The following DCLK2 variants were observed in gnomAD, a reference collection of about 807,000 sequenced individuals.
DCLK2 encodes the protein doublecortin like kinase 2.
In DCLK2, 31 loss-of-function variants were observed where a neutral mutation model predicts 78.4. The observed-to-expected ratio is 0.40, with a 90% CI of 0.30 to 0.53. DCLK2 has a LOEUF of 0.53. Ranked by LOEUF, DCLK2 falls within the 20% of genes least tolerant of loss-of-function variation. The pLI is 0.61. For missense variants in DCLK2, 872 were observed against 973.7 expected (o/e 0.90, Z 1.39); for synonymous variants, 407 against 374.9 (o/e 1.09, Z -0.99).
chr4:150,125,697 C>G (rs1025851152), intron 2 of DCLK2, among the ~76,000 whole-genome samples: 1 of 152,078 alleles, frequency 6.6e-6, no homozygotes, highest in Non-Finnish European at 1.5e-5. Flanking sequence ...CAAGACCAGC[C>G]TGGCCAACGT....
chr4:150,225,507 G>A (rs1741535108), intron 8 of DCLK2, among the ~76,000 whole-genome samples: 1 of 152,188 alleles, frequency 6.6e-6, no homozygotes, highest in African/African-American at 2.4e-5. Context: ...AGAACAAGCT[G>A]TAGAGCTACA....
At position 150,223,373 on chromosome 4, in the gene DCLK2, G is replaced by A. The variant is rs139271112; in HGVS notation, c.1242-1128G>A. Among the ~76,000 whole-genome samples the A allele has an allele frequency of 2.1e-3, 320 of 152,294 alleles. 1 individual carries two copies. The highest frequency in any genetic ancestry group is 7.3e-3 in the African/African-American group (305 of 41,554). On this transcript the variant is annotated intron_variant, in intron 7 of 15. Coordinates refer to ENST00000296550, the MANE Select transcript of DCLK2 (RefSeq NM_001040260.4). Reference sequence around the variant, plus strand: ...AAGTGTATTCTATGAGTACTGTGGTGTTCTTTATTGAATGCTTTTTCTATA... The same window carrying A: ...AAGTGTATTCTATGAGTACTGTGGTATTCTTTATTGAATGCTTTTTCTATA...
intron 3 of DCLK2, among the ~76,000 whole-genome samples, chr4:150,194,897 T>C (rs1298977060): frequency 2.0e-5 from 3 of 151,742 alleles, no homozygotes; most frequent in African/African-American, 7.3e-5. Flanking sequence ...CATTACTTCT[T>C]GTTGCACTGT....
At chr4:150,140,545 A>G (rs1297694322) in intron 2 of DCLK2, among the ~76,000 whole-genome samples, 1 of 152,210 alleles carries the variant, frequency 6.6e-6, no homozygotes, top group African/African-American at 2.4e-5. Flanking sequence ...GGACTTTTTC[A>G]CAAAAGCCTT....
intron 2 of DCLK2, among the ~76,000 whole-genome samples, chr4:150,106,997 C>T (rs773895940): frequency 3.9e-5 from 6 of 151,970 alleles, no homozygotes; most frequent in Admixed American, 2.6e-4. Context: ...CAGTTTTGTC[C>T]CTAGGGCATG....
intron 7 of DCLK2, among the ~76,000 whole-genome samples, chr4:150,223,515 G>A (rs997958442): frequency 1.8e-4 from 28 of 152,072 alleles, no homozygotes; most frequent in Admixed American, 5.2e-4. Flanking sequence ...AGGCCGAGGC[G>A]GGAGAATCAC....
At chr4:150,134,076 CTT>C (rs768954755) in intron 2 of DCLK2, among the ~76,000 whole-genome samples, 89 of 94,830 alleles carry the variant, frequency 9.4e-4, no homozygotes, top group Middle Eastern at 0.015. Context: ...CGTATAAACT[CTT>C]TTTTTTTTTT....
At chr4:150,153,082 G>T (rs1004057249) in intron 2 of DCLK2, among the ~76,000 whole-genome samples, 2 of 152,204 alleles carry the variant, frequency 1.3e-5, no homozygotes, top group Non-Finnish European at 2.9e-5. Flanking sequence ...GAGTAAATGA[G>T]AATTTTATTG....
rs143302662 is a variant in DCLK2 at position 150,170,156 on chromosome 4, C to T, written c.757-22982C>T. 8.5e-3 allele frequency among the ~76,000 whole-genome samples: 1,290 copies of T among 152,254 alleles called. 13 individuals carry two copies. The highest frequency in any genetic ancestry group is 0.017 in the Middle Eastern group (5 of 294). ...GCAACTTCTACCACCTGGGTTCAAG[C>T]GAGTCTCCTGCCTCAGCCTCCCGAG... On this transcript the variant is annotated intron_variant, in intron 2 of 15. Transcript: ENST00000296550.
chr4:150,190,553 A>T (rs569088021), intron 2 of DCLK2, among the ~76,000 whole-genome samples: 1 of 152,186 alleles, frequency 6.6e-6, no homozygotes, highest in South Asian at 2.1e-4. Context: ...ATCAAATGCC[A>T]CATATCTTAT....
chr4:150,168,771 G>A (rs913611289), intron 2 of DCLK2, among the ~76,000 whole-genome samples: 3 of 152,098 alleles, frequency 2.0e-5, no homozygotes, highest in Admixed American at 6.5e-5. Flanking sequence ...ATTTTCCTTC[G>A]TATAGTGAGT....
At chr4:150,239,286 A>G (rs1213265191) in intron 10 of DCLK2, among the ~76,000 whole-genome samples, 1 of 152,208 alleles carries the variant, frequency 6.6e-6, no homozygotes, top group Non-Finnish European at 1.5e-5. Context: ...AGCAACAAAG[A>G]TGAATCATGG....
Position 150,232,780 on chromosome 4 carries a change from C to G in DCLK2, c.1518C>G (p.Leu506=). 1 of 1,614,146 alleles carries G rather than the reference C, an allele frequency of 6.2e-7. No individual in the cohort carries two copies. Among genetic ancestry groups the G allele is most frequent in the Non-Finnish European group, 8.5e-7 (1 of 1,180,012 alleles). Residue 506 remains leucine (L), a synonymous_variant, in exon 10 of 16, where the codon CTC becomes CTG. Transcript: ENST00000296550. ...ACTTAGCCAATGCCCTCAGGTATCT[C>G]CATGGCCTCAGCATCGTGCACAGAG... ...VYNLANALRY[L]HGLSIVHRDI... is the part of the protein sequence containing the mutation.
At chr4:150,208,384 C>T (rs193104509) in intron 5 of DCLK2, among the ~76,000 whole-genome samples, 14 of 148,126 alleles carry the variant, frequency 9.5e-5, no homozygotes, top group Admixed American at 2.1e-4. Flanking sequence ...GATGGAGAAA[C>T]GGAGTTTTTT....
At chr4:150,249,754 G>A (rs1176674327) in intron 15 of DCLK2, 70 bp downstream of exon 15, 21 of 1,269,832 alleles carry the variant, frequency 1.7e-5, no homozygotes, top group Middle Eastern at 2.2e-4. Flanking sequence ...AGGTAGCCGG[G>A]AGCTGCCCTC....
At chr4:150,157,988 A>G (rs1377177782) in intron 2 of DCLK2, among the ~76,000 whole-genome samples, 1 of 152,232 alleles carries the variant, frequency 6.6e-6, no homozygotes, top group African/African-American at 2.4e-5. Context: ...TTGGAGGGCC[A>G]CAAATCATTG....
At chr4:150,217,674 G>A (rs1159493855) in intron 5 of DCLK2, among the ~76,000 whole-genome samples, 1 of 152,178 alleles carries the variant, frequency 6.6e-6, no homozygotes, top group Non-Finnish European at 1.5e-5. Context: ...AGATTTTACT[G>A]AGGAGTGAAG....
intron 2 of DCLK2, among the ~76,000 whole-genome samples, chr4:150,156,244 A>C (rs1363005545): frequency 2.0e-5 from 3 of 152,114 alleles, no homozygotes; most frequent in Non-Finnish European, 4.4e-5. Flanking sequence ...TGATCCCATC[A>C]AGAAGTAAAA....
At chr4:150,215,111 T>TA (rs1258421619) in intron 5 of DCLK2, among the ~76,000 whole-genome samples, 1 of 151,976 alleles carries the variant, frequency 6.6e-6, no homozygotes, top group Admixed American at 6.6e-5. Flanking sequence ...GTCCTTTTAT[T>TA]AAAAAAAATG....
Sources: allele counts gnomAD v4.1 joint callset (sites outside exome capture counted in the v4.1 genomes callset), GRCh38; gene constraint gnomAD v4.1.1; transcripts MANE v1.5; gene names NCBI Gene and HGNC (gene_info 2026-07-23, HGNC 2026-07-21).